The following NBAS variants were observed in gnomAD, a reference collection of about 807,000 sequenced individuals.
The protein encoded by NBAS is NBAS subunit of NRZ tethering complex, also known as NAG/BC035112 fusion.
A neutral mutation model predicts 302.5 loss-of-function variants in NBAS; 219 were observed. The ratio of observed to expected loss-of-function variants is 0.72; its 90% CI spans 0.65 to 0.81. The LOEUF is 0.81. NBAS is among the 30% of genes least tolerant of loss of function. NBAS has a pLI of 0.00. For missense variants in NBAS, 2,932 were observed against 2,841.6 expected (o/e 1.03, Z -0.72); for synonymous variants, 1,118 against 1,021.6 (o/e 1.09, Z -1.80).
chr2:15,359,851 A>AAC (rs1673808717), intron 32 of NBAS, among the ~76,000 whole-genome samples: 1 of 152,224 alleles, frequency 6.6e-6, no homozygotes, highest in African/African-American at 2.4e-5. Flanking sequence ...TGAGTTGCTT[A>AAC]ACAAGAGGAA....
the NBAS span, among the ~76,000 whole-genome samples, chr2:15,013,311 T>C: frequency 6.6e-6 from 1 of 151,704 alleles, no homozygotes; most frequent in Non-Finnish European, 1.5e-5. Flanking sequence ...TAAAGATAAA[T>C]GAATCAAAAC....
chr2:15,119,066 G>A, the NBAS span, among the ~76,000 whole-genome samples: 3 of 152,112 alleles, frequency 2.0e-5, no homozygotes, highest in East Asian at 3.9e-4. Flanking sequence ...GACAAGGGGA[G>A]GAAGGGTGAG....
At chr2:15,288,129 T>G (rs1253953957) in intron 41 of NBAS, among the ~76,000 whole-genome samples, 3 of 152,346 alleles carry the variant, frequency 2.0e-5, no homozygotes, top group Admixed American at 2.0e-4. Flanking sequence ...CAAAAGATAG[T>G]GCATCCCTGG....
At chr2:15,317,647 G>A (rs1202071565) in intron 38 of NBAS, among the ~76,000 whole-genome samples, 2 of 152,176 alleles carry the variant, frequency 1.3e-5, no homozygotes, top group African/African-American at 4.8e-5. Context: ...AAGAGTATCA[G>A]TGATTGAAGA....
the NBAS span, among the ~76,000 whole-genome samples, chr2:15,115,087 T>C: frequency 6.6e-6 from 1 of 152,240 alleles, no homozygotes; most frequent in African/African-American, 2.4e-5. Context: ...TATATTCCTA[T>C]TGAGGCCTGT....
At chr2:14,902,028 T>C in the NBAS span, among the ~76,000 whole-genome samples, 20 of 152,362 alleles carry the variant, frequency 1.3e-4, no homozygotes, top group East Asian at 3.7e-3. Flanking sequence ...TCAAGCTGTC[T>C]TGTGACTACC....
chr2:15,261,770 A>T (rs190873757), intron 44 of NBAS, among the ~76,000 whole-genome samples: 480 of 152,348 alleles, frequency 3.2e-3, no homozygotes, highest in Non-Finnish European at 5.3e-3. Flanking sequence ...TAATAAATAC[A>T]TCTATTGTTA....
chr2:15,401,530 A>G (rs569325983), intron 26 of NBAS, among the ~76,000 whole-genome samples: 263 of 152,172 alleles, frequency 1.7e-3, no homozygotes, highest in African/African-American at 6.0e-3. Flanking sequence ...AAAGTTTAAA[A>G]CAGGTCTGCT....
intron 25 of NBAS, among the ~76,000 whole-genome samples, chr2:15,410,503 T>A (rs1676630317): frequency 6.6e-6 from 1 of 152,086 alleles, no homozygotes; most frequent in Non-Finnish European, 1.5e-5. Context: ...TTCAAAGAAG[T>A]GGATTTCTTC....
At chr2:15,145,407 G>GTA in the NBAS span, among the ~76,000 whole-genome samples, 1 of 146,410 alleles carries the variant, frequency 6.8e-6, no homozygotes, top group Non-Finnish European at 1.5e-5. Flanking sequence ...TTGTATGTGT[G>GTA]TGTGTGTGTG....
chr2:14,909,740 G>A, the NBAS span, among the ~76,000 whole-genome samples: 1 of 152,226 alleles, frequency 6.6e-6, no homozygotes, highest in African/African-American at 2.4e-5. Context: ...TTCTCAGCCA[G>A]AGGCTAGTGA....
At chr2:15,523,996 G>C (rs554938369) in intron 9 of NBAS, among the ~76,000 whole-genome samples, 1 of 152,122 alleles carries the variant, frequency 6.6e-6, no homozygotes, top group Non-Finnish European at 1.5e-5. Context: ...AACTAAGGTA[G>C]GAAATATATC....
chr2:14,938,094 C>G, the NBAS span, among the ~76,000 whole-genome samples: 3 of 151,960 alleles, frequency 2.0e-5, no homozygotes, highest in Non-Finnish European at 4.4e-5. Context: ...CGCCACTGCA[C>G]TCCAGCCTGG....
chr2:15,299,974 G>T (rs1670721222), intron 40 of NBAS, among the ~76,000 whole-genome samples: 1 of 152,178 alleles, frequency 6.6e-6, no homozygotes, highest in Non-Finnish European at 1.5e-5. Context: ...TACTAGAAGA[G>T]AAAATTCTCT....
rs535957912 is a variant in NBAS, at chr2:15,467,593, T to C, written c.2018+71A>G. ...TAAAATAATTTGGACTAATTATTAC[T>C]AGTAAGGAACACACTGAAATGATTA... is the stretch of plus-strand genomic sequence containing the variant. On this transcript the variant is annotated intron_variant, in intron 18 of 51. Transcript: ENST00000281513. 5.5e-6 allele frequency: 8 copies of C among 1,447,494 alleles called. No homozygotes were observed. In the African/African-American group the frequency reaches 1.1e-4, roughly 20 times the overall value. The allele number at this position is 1,447,494 out of a possible 1,614,324, so 89.7% of individuals were successfully genotyped here. A position where few individuals can be genotyped will look rare whatever the true frequency, so the allele number is the denominator to read the frequency against.
chr2:15,097,026 A>C, the NBAS span, among the ~76,000 whole-genome samples: 1 of 152,188 alleles, frequency 6.6e-6, no homozygotes, highest in Non-Finnish European at 1.5e-5. Flanking sequence ...GCAGACAGAG[A>C]AGAGAAGGAT....
the NBAS span, among the ~76,000 whole-genome samples, chr2:14,790,584 T>C: frequency 6.6e-6 from 1 of 151,910 alleles, no homozygotes; most frequent in South Asian, 2.1e-4. Context: ...CAGAATAGGA[T>C]GCTGTATCCA....
In NBAS at chr2:15,275,736, C is replaced by T; in HGVS notation, c.5472G>A (p.Leu1824=). The T allele has an allele frequency of 6.2e-7, 1 of 1,614,064 alleles. No homozygotes were observed. The highest frequency in any genetic ancestry group is 8.5e-7 in the Non-Finnish European group (1 of 1,180,006). The part of the protein sequence containing the change: ...LEPVLSSQNI[L]SISKLVPKIP... ...TTTTGGGAACAAGTTTGGAAATAGACAAGATATTTTGACTTGAAAGAACTG... is the reference window on the plus strand; with the variant it reads ...TTTTGGGAACAAGTTTGGAAATAGATAAGATATTTTGACTTGAAAGAACTG... The change falls in exon 44 of 52, where the codon TTG becomes TTA. Residue 1824 remains leucine (L), a synonymous_variant. Coordinates refer to ENST00000281513, the MANE Select transcript of NBAS (RefSeq NM_015909.4).
At chr2:15,475,972 T>G in intron 13 of NBAS, 92 bp from the exon 14 acceptor site, 1 of 996,354 alleles carries the variant, frequency 1.0e-6, no homozygotes, top group South Asian at 1.7e-5. Context: ...TAAAACAAAA[T>G]TTATCTACAT....
Sources: gnomAD v4.1 joint callset for allele counts (sites outside exome capture counted in the v4.1 genomes callset) on GRCh38, gnomAD v4.1.1 for gene constraint, MANE v1.5 for transcripts, NCBI Gene and HGNC (gene_info 2026-07-23, HGNC 2026-07-21) for gene names.